The following OR56A3 variants were observed in gnomAD, a reference collection of about 807,000 sequenced individuals.
OR56A3 encodes olfactory receptor 56A3.
A neutral mutation model predicts 17.5 loss-of-function variants in OR56A3; 23 were observed. The observed-to-expected ratio is 1.32, with a 90% confidence interval of 0.95 to 1.87. OR56A3 has a LOEUF of 1.87. OR56A3 is among the 40% of genes most tolerant of loss of function. The pLI, the probability that OR56A3 is intolerant of heterozygous loss-of-function variation, is 0.00. For missense variants in OR56A3, 366 were observed against 380.1 expected, an observed-to-expected ratio of 0.96 and a Z score of 0.31; for synonymous variants, 175 against 150.6, an observed-to-expected ratio of 1.16 and a Z score of -1.19.
At chr11:5,993,938 GTGGTAGTCTTT>G in the OR56A3 span, 2 of 457,230 alleles carry the variant, frequency 4.4e-6, no homozygotes, top group Non-Finnish European at 8.6e-6. Context: ...TCTGTGGCGG[GTGGTAGTCTTT>G]TGAATGGTTC....
chr11:5,962,072 C>T, the OR56A3 span, among the ~76,000 whole-genome samples: 1 of 152,070 alleles, frequency 6.6e-6, no homozygotes, highest in African/African-American at 2.4e-5. Flanking sequence ...TTCTTCTATA[C>T]CTAATTTATT....
At chr11:6,016,215 G>C in the OR56A3 span, among the ~76,000 whole-genome samples, 1 of 152,174 alleles carries the variant, frequency 6.6e-6, no homozygotes, top group South Asian at 2.1e-4. Context: ...TGCTATGTAA[G>C]ATGGCTGCTT....
chr11:5,981,846 C>A, the OR56A3 span, among the ~76,000 whole-genome samples: 1 of 152,150 alleles, frequency 6.6e-6, no homozygotes, highest in African/African-American at 2.4e-5. Context: ...CTTTTATATT[C>A]TTTGGCGCCC....
the OR56A3 span, among the ~76,000 whole-genome samples, chr11:5,979,800 T>G: frequency 2.6e-5 from 4 of 151,958 alleles, no homozygotes. Context: ...AGTTAGGTTG[T>G]TAAACTTTTG....
chr11:5,978,608 C>T, the OR56A3 span, among the ~76,000 whole-genome samples: 2 of 151,380 alleles, frequency 1.3e-5, no homozygotes, highest in Non-Finnish European at 3.0e-5. Context: ...GATTTAGGGG[C>T]CTTTAGGCAG....
At chr11:5,956,345 T>C (rs570708833), downstream of OR56A3, among the ~76,000 whole-genome samples, 2 of 152,286 alleles carry the variant, frequency 1.3e-5, no homozygotes, top group African/African-American at 4.8e-5. Flanking sequence ...TTATGTAAAA[T>C]TAAATGAGTA....
chr11:6,021,103 A>T, the OR56A3 span: 2 of 152,092 alleles, frequency 1.3e-5, no homozygotes, highest in South Asian at 4.1e-4. Flanking sequence ...ACAATATAGA[A>T]AAGAAAAGTA....
the OR56A3 span, among the ~76,000 whole-genome samples, chr11:5,976,041 A>T: frequency 6.6e-6 from 1 of 151,946 alleles, no homozygotes; most frequent in Non-Finnish European, 1.5e-5. Flanking sequence ...AAAAAAGAAG[A>T]CACTCTTAGT....
At chr11:5,995,387 G>T in the OR56A3 span, among the ~76,000 whole-genome samples, 2 of 152,274 alleles carry the variant, frequency 1.3e-5, no homozygotes, top group Admixed American at 6.5e-5. Flanking sequence ...AACAGCAGAG[G>T]TCTAGAGTTA....
chr11:5,945,211 A>T (rs572094503), intron 2 of OR56A3, 129 bp downstream of exon 2: 1 of 152,116 alleles, frequency 6.6e-6, no homozygotes, highest in Non-Finnish European at 1.5e-5. Flanking sequence ...TAAAACTATC[A>T]ATTGTGTTTT....
At chr11:5,986,121 A>G in the OR56A3 span, 1 of 1,614,022 alleles carries the variant, frequency 6.2e-7, no homozygotes, top group Non-Finnish European at 8.5e-7. Context: ...TTCCAGGGAC[A>G]TAGAAGACCA....
At position 5,950,898 on chromosome 11, in the gene OR56A3, T is replaced by C. The variant is rs1847903839; in HGVS notation, c.*2604T>C. 6.6e-6 allele frequency: 1 copy of C among 152,148 alleles called. No homozygotes were observed. The highest frequency in any genetic ancestry group is 1.5e-5 in the Non-Finnish European group (1 of 67,994). The allele number at this position is 152,148 out of a possible 1,614,324, so 9.4% of individuals were successfully genotyped here. On this transcript the variant is annotated 3_prime_UTR_variant, in exon 3 of 3. Transcript: ENST00000641160. ...TTTTGCTTTGAAAGTCAGATATGGATAGAAAATAAAGTTAATTAGAAAATA... is the reference window on the plus strand; with the variant it reads ...TTTTGCTTTGAAAGTCAGATATGGACAGAAAATAAAGTTAATTAGAAAATA...
chr11:5,990,113 G>T, the OR56A3 span, among the ~76,000 whole-genome samples: 1 of 152,148 alleles, frequency 6.6e-6, no homozygotes. Flanking sequence ...CATCATGTCA[G>T]TCTTTAAAGA....
chr11:5,971,598 G>A, the OR56A3 span, among the ~76,000 whole-genome samples: 1 of 152,178 alleles, frequency 6.6e-6, no homozygotes, highest in Non-Finnish European at 1.5e-5. Context: ...AGGAATGGGA[G>A]TAGAGAAAAA....
the OR56A3 span, among the ~76,000 whole-genome samples, chr11:6,007,299 G>T: frequency 4.6e-5 from 7 of 152,200 alleles, no homozygotes; most frequent in African/African-American, 1.4e-4. Flanking sequence ...TTACCAAGGG[G>T]CAGGGAGAGA....
the OR56A3 span, among the ~76,000 whole-genome samples, chr11:5,980,420 T>G: frequency 6.8e-5 from 8 of 116,970 alleles, no homozygotes; most frequent in Non-Finnish European, 1.2e-4. Flanking sequence ...TTGAACTCTT[T>G]ATCATTATGT....
At chr11:6,013,656 A>G in the OR56A3 span, among the ~76,000 whole-genome samples, 1 of 152,198 alleles carries the variant, frequency 6.6e-6, no homozygotes, top group African/African-American at 2.4e-5. Flanking sequence ...TGTGTGCACC[A>G]TCAGAGAGCC....
At chr11:6,021,789 T>G in the OR56A3 span, 3 of 151,890 alleles carry the variant, frequency 2.0e-5, no homozygotes, top group Admixed American at 2.0e-4. Context: ...GAGTTCCTCC[T>G]AGAGAACGCA....
the OR56A3 span, among the ~76,000 whole-genome samples, chr11:5,982,916 T>G: frequency 6.6e-6 from 1 of 152,164 alleles, no homozygotes; most frequent in Non-Finnish European, 1.5e-5. Context: ...AGCAACCCCA[T>G]GCAGGATTTC....
Sources: gnomAD v4.1 joint callset for allele counts (sites outside exome capture counted in the v4.1 genomes callset) on GRCh38, gnomAD v4.1.1 for gene constraint, MANE v1.5 for transcripts, NCBI Gene and HGNC (gene_info 2026-07-23, HGNC 2026-07-21) for gene names.